Variants in ANKS1B observed in about 807,000 individuals in gnomAD.
The protein encoded by ANKS1B is ankyrin repeat and sterile alpha motif domain containing 1B.
Under a neutral mutation model 148.3 loss-of-function variants are expected in ANKS1B, and 36 were observed. That is an observed-to-expected ratio of 0.24 (90% confidence interval 0.19 to 0.32). ANKS1B has a LOEUF of 0.32. ANKS1B is among the 10% of genes least tolerant of loss of function. ANKS1B has a pLI of 1.00. For synonymous variants in ANKS1B, 542 were observed against 560.8 expected (o/e 0.97, Z 0.47); for missense variants, 1,157 against 1,542.6 (o/e 0.75, Z 4.19).
chr12:98,894,485 T>A, intron 17 of ANKS1B: 17 of 672,162 alleles, frequency 2.5e-5, no homozygotes, highest in Admixed American at 6.4e-5. Context: ...CTGCAACACC[T>A]GCCCCGGCAA....
chr12:98,886,149 C>A (rs1009057481), intron 17 of ANKS1B, among the ~76,000 whole-genome samples: 3 of 152,164 alleles, frequency 2.0e-5, no homozygotes, highest in Non-Finnish European at 4.4e-5. Context: ...GAAATCCTCA[C>A]ACAAACTTCC....
chr12:99,349,464 T>C (rs1435993272), intron 12 of ANKS1B, among the ~76,000 whole-genome samples: 1 of 151,730 alleles, frequency 6.6e-6, no homozygotes, highest in African/African-American at 2.4e-5. Flanking sequence ...CACAAATAGG[T>C]TGAAAGTTAA....
chr12:99,246,845 A>T lies in ANKS1B; in HGVS notation c.1776T>A (p.Asp592Glu). Residue 592 changes from aspartate to glutamate, a missense_variant, in exon 13 of 27, where the codon GAT (aspartate) becomes GAA (glutamate). Coordinates refer to ENST00000683438, the MANE Select transcript of ANKS1B (RefSeq NM_001352186.2). The part of the protein sequence containing the change: ...TNHTDDLSRQ[D>E]DNDPPKEYDP... ...CATATTCTTTTGGGGGATCATTGTCATCCTGTCGGGAGAGGTCATCTGCAA... is the reference window on the plus strand; with the variant it reads ...CATATTCTTTTGGGGGATCATTGTCTTCCTGTCGGGAGAGGTCATCTGCAA... 6.3e-7 allele frequency: 1 copy of T among 1,596,752 alleles called. No homozygotes were observed. The highest frequency in any genetic ancestry group is 8.5e-7 in the Non-Finnish European group (1 of 1,175,564).
chr12:99,400,104 A>T (rs1303418120), intron 11 of ANKS1B, among the ~76,000 whole-genome samples: 1 of 151,460 alleles, frequency 6.6e-6, no homozygotes, highest in African/African-American at 2.5e-5. Context: ...CTTGGTAATC[A>T]ATTTTGAAAG....
intron 8 of ANKS1B, among the ~76,000 whole-genome samples, chr12:99,707,969 TG>T (rs1052663002): frequency 6.6e-6 from 1 of 152,100 alleles, no homozygotes; most frequent in African/African-American, 2.4e-5. Context: ...ATGAGCCAAA[TG>T]GGCAATCACT....
Position 99,053,278 on chromosome 12 carries a change from G to T in ANKS1B, c.2657C>A (p.Pro886His). 1 of 1,610,596 alleles carries T rather than the reference G, an allele frequency of 6.2e-7. No homozygotes were observed. Among genetic ancestry groups the T allele is most frequent in the East Asian group, 2.2e-5 (1 of 44,780 alleles). The change falls in exon 17 of 27, where the codon CCC becomes CAC. Residue 886 changes from proline to histidine, a missense_variant. Pro to His is a moderately conservative substitution (Grantham distance 77, BLOSUM62 -2). Around this residue, in one of 6 missense-constraint regions of ANKS1B, gnomAD observed 258 missense variants for 497.0 expected, o/e 0.52. Transcript: ENST00000683438. ...MRPIGHDGYHPTSVAEWLDSI... is the reference protein window; with the variant it reads ...MRPIGHDGYHHTSVAEWLDSI... ...ATCCAGCCACTCAGCTACAGAGGTG[G>T]GATGGTAGCCATCATGCCCAATGGG...
At chr12:99,331,193 G>C (rs1442630662) in intron 12 of ANKS1B, among the ~76,000 whole-genome samples, 1 of 151,914 alleles carries the variant, frequency 6.6e-6, no homozygotes, top group Non-Finnish European at 1.5e-5. Context: ...ACATAAAATG[G>C]TTTTATAATA....
intron 9 of ANKS1B, among the ~76,000 whole-genome samples, chr12:99,596,526 A>C (rs1037874313): frequency 6.6e-6 from 1 of 151,938 alleles, no homozygotes; most frequent in Admixed American, 6.6e-5. Flanking sequence ...TTTTGAGGTT[A>C]TGATGAACAT....
chr12:99,805,729 A>G (rs2067559947), intron 4 of ANKS1B, among the ~76,000 whole-genome samples: 1 of 152,020 alleles, frequency 6.6e-6, no homozygotes, highest in South Asian at 2.1e-4. Flanking sequence ...TCCAAATCCT[A>G]TTCTTCCTAC....
chr12:98,771,846 G>T (rs2098585445), intron 25 of ANKS1B, among the ~76,000 whole-genome samples: 1 of 152,244 alleles, frequency 6.6e-6, no homozygotes, highest in East Asian at 1.9e-4. Flanking sequence ...GTAGGTATCT[G>T]ATCTGACTCC....
intron 12 of ANKS1B, among the ~76,000 whole-genome samples, chr12:99,362,940 C>T (rs2092568019): frequency 6.6e-6 from 1 of 151,956 alleles, no homozygotes; most frequent in South Asian, 2.1e-4. Context: ...ATACCCAAAG[C>T]AAGTTGATCT....
chr12:98,983,546 T>C (rs2099919386), intron 17 of ANKS1B, among the ~76,000 whole-genome samples: 1 of 152,208 alleles, frequency 6.6e-6, no homozygotes, highest in Non-Finnish European at 1.5e-5. Context: ...CGATTAAAGT[T>C]ATGAGGGTCA....
chr12:99,849,000 A>G (rs2087211539), intron 1 of ANKS1B, among the ~76,000 whole-genome samples: 1 of 152,148 alleles, frequency 6.6e-6, no homozygotes, highest in Admixed American at 6.6e-5. Flanking sequence ...CTGGGTATAC[A>G]TGCACATAAA....
rs77453209 is a variant in ANKS1B, at chr12:99,397,026, A to AT, written c.1756+2604dup. ...ACCCTTCCCAGGTCCACATACCACT[A>AT]TTTTTTGTTTTTACAAATCACATCT... On this transcript the variant is annotated intron_variant, in intron 12 of 26. Coordinates refer to ENST00000683438, the MANE Select transcript of ANKS1B (RefSeq NM_001352186.2). Among the ~76,000 whole-genome samples, 665 of 152,200 alleles carry AT rather than the reference A, an allele frequency of 4.4e-3. 49 individuals are homozygous for AT. In the East Asian group the frequency reaches 0.099, roughly 23 times the overall value.
intron 14 of ANKS1B, among the ~76,000 whole-genome samples, chr12:99,193,197 A>G (rs1011356049): frequency 1.3e-5 from 2 of 152,178 alleles, no homozygotes; most frequent in African/African-American, 4.8e-5. Context: ...TCAGAACATG[A>G]TACCCTGAAA....
intron 8 of ANKS1B, among the ~76,000 whole-genome samples, chr12:99,746,423 C>T (rs2060598247): frequency 6.6e-6 from 1 of 152,140 alleles, no homozygotes; most frequent in Non-Finnish European, 1.5e-5. Context: ...CTAATGTCAA[C>T]TCTTTTGCAG....
intron 1 of ANKS1B, among the ~76,000 whole-genome samples, chr12:99,972,160 C>T (rs2095567180): frequency 6.6e-6 from 1 of 152,132 alleles, no homozygotes; most frequent in Non-Finnish European, 1.5e-5. Context: ...TCGGATACAA[C>T]AATATTAAAA....
downstream of ANKS1B, among the ~76,000 whole-genome samples, chr12:98,743,017 GTCT>G (rs1283014172): frequency 2.6e-5 from 4 of 152,162 alleles, no homozygotes; most frequent in East Asian, 7.7e-4. Flanking sequence ...TTTAAAAAAA[GTCT>G]TCTTCCTACG....
chr12:98,799,687 T>C (rs1166269347), intron 21 of ANKS1B, among the ~76,000 whole-genome samples: 2 of 152,088 alleles, frequency 1.3e-5, no homozygotes, highest in Admixed American at 6.6e-5. Flanking sequence ...CCAGACCCCA[T>C]ACTGTATCAT....
Sources: gnomAD v4.1 joint callset for allele counts (sites outside exome capture counted in the v4.1 genomes callset) on GRCh38, gnomAD v4.1.1 for gene constraint, gnomAD v4.1.1 regional missense constraint, MANE v1.5 for transcripts, NCBI Gene and HGNC (gene_info 2026-07-23, HGNC 2026-07-21) for gene names.